Variants in HIPK2 observed in about 807,000 individuals in gnomAD.
HIPK2 encodes the protein homeodomain interacting protein kinase 2.
In HIPK2, 27 loss-of-function variants were observed where a neutral mutation model predicts 113.7. The ratio of observed to expected loss-of-function variants is 0.24; its 90% CI spans 0.17 to 0.33. HIPK2 has a LOEUF of 0.33. Among genes scored for constraint, HIPK2 ranks in the 10% least tolerant of loss-of-function variants. HIPK2 has a pLI of 1.00. For synonymous variants in HIPK2, 631 were observed against 642.2 expected (o/e 0.98, Z 0.26); for missense variants, 1,257 against 1,588.0 (o/e 0.79, Z 3.54).
At chr7:139,605,872 G>C (rs1799601572) in intron 9 of HIPK2, among the ~76,000 whole-genome samples, 1 of 152,162 alleles carries the variant, frequency 6.6e-6, no homozygotes, top group Admixed American at 6.5e-5. Flanking sequence ...TAATTTAATT[G>C]ATTAAAACAG....
chr7:139,704,622 C>T (rs377099585), intron 2 of HIPK2, among the ~76,000 whole-genome samples: 1 of 152,188 alleles, frequency 6.6e-6, no homozygotes, highest in Non-Finnish European at 1.5e-5. Flanking sequence ...ACCCAACACA[C>T]ACCCCATACA....
chr7:139,694,652 T>C (rs1223862904), intron 2 of HIPK2, among the ~76,000 whole-genome samples: 2 of 152,128 alleles, frequency 1.3e-5, no homozygotes, highest in Non-Finnish European at 2.9e-5. Context: ...GCATGGTCCA[T>C]GGTCACATAA....
At chr7:139,597,848 C>T (rs567563568) in intron 11 of HIPK2, among the ~76,000 whole-genome samples, 3 of 152,244 alleles carry the variant, frequency 2.0e-5, no homozygotes, top group Admixed American at 2.0e-4. Context: ...CTATTAGATC[C>T]TCACTGACTC....
intron 9 of HIPK2, among the ~76,000 whole-genome samples, chr7:139,607,509 A>C (rs1799660838): frequency 6.6e-6 from 1 of 152,178 alleles, no homozygotes; most frequent in Admixed American, 6.5e-5. Context: ...CAAACATACA[A>C]ACCTTTTATA....
Position 139,566,257 on chromosome 7 carries a change from T to C in HIPK2, c.*6670A>G, listed in dbSNP as rs994203953. ...ACATGCAGGAGACAGCTGTGGCTAA[T>C]GGCTGCAAGCTCAGTTCTGGAGCTG... On this transcript the variant is annotated 3_prime_UTR_variant, in exon 15 of 15. Transcript: ENST00000406875. This position sits in a 1 kb window ranked among gnomAD's most constrained non-coding sequence, Gnocchi z 4.1. The C allele has an allele frequency of 1.3e-5, 2 of 152,296 alleles. No homozygotes were observed. The highest frequency in any genetic ancestry group is 6.5e-5 in the Admixed American group (1 of 15,280). 9.4% of individuals were successfully genotyped at this position (152,296 alleles called of 1,614,324 possible). A position where few individuals can be genotyped will look rare whatever the true frequency, so the allele number is the denominator to read the frequency against.
chr7:139,713,145 G>T (rs1333936072), intron 2 of HIPK2, among the ~76,000 whole-genome samples: 1 of 152,130 alleles, frequency 6.6e-6, no homozygotes, highest in Non-Finnish European at 1.5e-5. Flanking sequence ...GGCCAGATGT[G>T]ACTGTGCCTG....
intron 2 of HIPK2, among the ~76,000 whole-genome samples, chr7:139,710,426 G>A (rs1314653682): frequency 6.6e-6 from 1 of 152,128 alleles, no homozygotes; most frequent in Non-Finnish European, 1.5e-5. Flanking sequence ...TTCTTGAACT[G>A]GCTTTGCTCA....
intron 2 of HIPK2, among the ~76,000 whole-genome samples, chr7:139,670,491 G>A (rs905933924): frequency 1.3e-5 from 2 of 151,532 alleles, no homozygotes; most frequent in Admixed American, 6.6e-5. Flanking sequence ...TACTCCAGGA[G>A]GATTGCTTGA....
intron 2 of HIPK2, among the ~76,000 whole-genome samples, chr7:139,685,162 T>C (rs1794177669): frequency 6.6e-6 from 1 of 152,188 alleles, no homozygotes; most frequent in African/African-American, 2.4e-5. Context: ...GGTGGCTACA[T>C]GAAACAACAG....
chr7:139,582,244 C>T (rs1798690446), intron 13 of HIPK2, among the ~76,000 whole-genome samples: 1 of 152,364 alleles, frequency 6.6e-6, no homozygotes, highest in African/African-American at 2.4e-5. Context: ...GCCTGCTTCT[C>T]TGGCCCCAGG....
At chr7:139,747,919 G>A (rs982196170) in intron 1 of HIPK2, among the ~76,000 whole-genome samples, 8 of 152,346 alleles carry the variant, frequency 5.3e-5, no homozygotes, top group African/African-American at 1.7e-4. Flanking sequence ...TACTGGTCAC[G>A]TGGCAAGTAG....
rs933902839 is a variant in HIPK2 at position 139,714,153 on chromosome 7, T to C, written c.1103+1779A>G. ...GGGCCTGGTGGTGAAAGCACAGGCC[T>C]GTGGAGACCTTTCTGCGCATAGGAA... On this transcript the variant is annotated intron_variant, in intron 2 of 14. Transcript: ENST00000406875. This position sits in a 1 kb window ranked among gnomAD's most constrained non-coding sequence, Gnocchi z 4.2. Among the ~76,000 whole-genome samples the C allele has an allele frequency of 7.2e-5, 11 of 152,182 alleles. No homozygotes were observed. Among genetic ancestry groups the C allele is most frequent in the Non-Finnish European group, 1.2e-4 (8 of 68,038 alleles).
Position 139,575,201 on chromosome 7 carries a change from G to T in HIPK2, c.3053C>A (p.Ser1018Tyr), listed in dbSNP as rs756676356. Residue 1018 changes from serine (S) to tyrosine (Y), a missense_variant, in exon 14 of 15, where the codon TCT (serine) becomes TAT (tyrosine). Transcript: ENST00000406875. Reference protein sequence around the residue: ...STSGHSSGSSSGAITYRQQRP... With the variant: ...STSGHSSGSSYGAITYRQQRP... Reference sequence around the variant, plus strand: ...CTGCTGCCGGTAGGTGATGGCTCCAGATGAGCTCCCTGAAGAGTGACCGCT... The same window carrying T: ...CTGCTGCCGGTAGGTGATGGCTCCATATGAGCTCCCTGAAGAGTGACCGCT... 1.9e-6 allele frequency: 3 copies of T among 1,588,050 alleles called. No homozygotes were observed. Among genetic ancestry groups the T allele is most frequent in the South Asian group, 1.2e-5 (1 of 86,798 alleles).
chr7:139,741,681 TCAGTTCAGTATAGCTCTGAATTTTCA>T lies in HIPK2; in HGVS notation c.20-24692_20-24667del, dbSNP rs1796101857. 2.0e-5 allele frequency among the ~76,000 whole-genome samples: 3 copies of T among 152,156 alleles called. No individual in the cohort carries two copies. The South Asian group carries it at 6.2e-4, about 32-fold the overall frequency. On this transcript the variant is annotated intron_variant, in intron 1 of 14. Transcript: ENST00000406875. Reference sequence around the variant, plus strand: ...ATTTCTCCAATTCCGTGAACGTTGATCAGTTCAGTATAGCTCTGAATTTTCACAGGTAACTCCTCCTGTCTCCTGTG... The same window carrying T: ...ATTTCTCCAATTCCGTGAACGTTGATCAGGTAACTCCTCCTGTCTCCTGTG...
chr7:139,640,651 A>ATT (rs927137530), intron 2 of HIPK2, among the ~76,000 whole-genome samples: 7 of 149,780 alleles, frequency 4.7e-5, no homozygotes, highest in Non-Finnish European at 1.0e-4. Flanking sequence ...CCTCTTCCTT[A>ATT]TTTTTTTTTT....
In HIPK2 at chr7:139,729,324, T is replaced by TGAGAGAGAGAGAGAGA. The variant is rs71170912; in HGVS notation, c.20-12325_20-12310dup. Among the ~76,000 whole-genome samples the TGAGAGAGAGAGAGAGA allele has an allele frequency of 7.2e-5, 5 of 69,196 alleles. 1 individual carries two copies. The highest frequency in any genetic ancestry group is 4.7e-4 in the East Asian group (1 of 2,110). 45.4% of individuals were successfully genotyped at this position (69,196 alleles called of 152,430 possible). A position where few individuals can be genotyped will look rare whatever the true frequency, so the allele number is the denominator to read the frequency against. On this transcript the variant is annotated intron_variant, in intron 1 of 14. Transcript: ENST00000406875. Reference sequence around the variant, plus strand: ...TGGGTGACAGAGTAGACCCTGTCTCTGAGAGAGAGAGAGAGAGAGAGAGAG... The same window carrying TGAGAGAGAGAGAGAGA: ...TGGGTGACAGAGTAGACCCTGTCTCTGAGAGAGAGAGAGAGAGAGAGAGAGAGAGAGAGAGAGAGAG...
chr7:139,612,458 T>G (rs1326155072), intron 9 of HIPK2, among the ~76,000 whole-genome samples: 1 of 152,172 alleles, frequency 6.6e-6, no homozygotes, highest in Admixed American at 6.5e-5. Context: ...TGTTACCTAA[T>G]TGTTGTGTGA....
At chr7:139,642,392 A>G (rs1410564880) in intron 2 of HIPK2, among the ~76,000 whole-genome samples, 1 of 152,200 alleles carries the variant, frequency 6.6e-6, no homozygotes, top group African/African-American at 2.4e-5. Flanking sequence ...TTTCAGAGGA[A>G]TTGGAGCCAG....
Position 139,572,595 on chromosome 7 carries a change from T to C in HIPK2, c.*332A>G, listed in dbSNP as rs568941677. The C allele has an allele frequency of 8.8e-5, 19 of 217,098 alleles. No homozygotes were observed. The highest frequency in any genetic ancestry group is 3.9e-4 in the African/African-American group (17 of 43,894). The allele number at this position is 217,098 out of a possible 1,614,324, so 13.4% of individuals were successfully genotyped here. ...GCGTAGAATGGGTTCTTGAGCTGGGTTTTTTGTTATTGACTTTTTTTTTTT... is the reference window on the plus strand; with the variant it reads ...GCGTAGAATGGGTTCTTGAGCTGGGCTTTTTGTTATTGACTTTTTTTTTTT... On this transcript the variant is annotated 3_prime_UTR_variant, in exon 15 of 15. Coordinates refer to ENST00000406875, the MANE Select transcript of HIPK2 (RefSeq NM_022740.5).
Sources: gnomAD v4.1 joint callset for allele counts (sites outside exome capture counted in the v4.1 genomes callset) on GRCh38, gnomAD v4.1.1 for gene constraint, Gnocchi (gnomAD v3.1) non-coding constraint, MANE v1.5 for transcripts, NCBI Gene and HGNC (gene_info 2026-07-23, HGNC 2026-07-21) for gene names.